Variants in PLXDC2 observed in about 807,000 individuals in gnomAD.
PLXDC2 encodes plexin domain containing 2.
PLXDC2 carries 40 observed loss-of-function variants against 68.9 expected under a neutral mutation model. The ratio of observed to expected loss-of-function variants is 0.58; its 90% CI spans 0.45 to 0.76. The LOEUF (loss-of-function observed/expected upper bound fraction) is 0.76. PLXDC2 is among the 30% of genes least tolerant of loss of function. The probability of loss-of-function intolerance (pLI) is 0.00; values close to 1 mark genes in which losing one functional copy is unlikely to be tolerated. For missense variants in PLXDC2, 644 were observed against 661.9 expected, an observed-to-expected ratio of 0.97 and a Z score of 0.30; for synonymous variants, 243 against 234.2, an observed-to-expected ratio of 1.04 and a Z score of -0.34.
Position 20,275,650 on chromosome 10 carries a change from C to T in PLXDC2, c.1474-4053C>T, listed in dbSNP as rs189551479. On this transcript the variant is annotated intron_variant, in intron 13 of 13. Transcript: ENST00000377252. The stretch of plus-strand genomic sequence containing the variant: ...AGGAAGGGTCGGGCGCTTTGGCTCA[C>T]GCCTGTAATCACAGCACTTTGGGAG... 6.1e-3 allele frequency among the ~76,000 whole-genome samples: 924 copies of T among 152,134 alleles called. 8 individuals carry two copies. The highest frequency in any genetic ancestry group is 0.011 in the Non-Finnish European group (741 of 67,988).
At chr10:20,251,132 C>G (rs1378109776) in intron 13 of PLXDC2, among the ~76,000 whole-genome samples, 1 of 152,130 alleles carries the variant, frequency 6.6e-6, no homozygotes, top group Admixed American at 6.5e-5. Context: ...TCTATTCAGT[C>G]AAGCAGAATA....
At chr10:20,276,526 A>T (rs1836008968) in intron 13 of PLXDC2, among the ~76,000 whole-genome samples, 1 of 152,194 alleles carries the variant, frequency 6.6e-6, no homozygotes, top group African/African-American at 2.4e-5. Flanking sequence ...ATTCTCAGAA[A>T]TGAAATTAGA....
At chr10:20,128,526 A>G (rs903497778) in intron 4 of PLXDC2, among the ~76,000 whole-genome samples, 5 of 152,130 alleles carry the variant, frequency 3.3e-5, no homozygotes, top group African/African-American at 1.2e-4. Context: ...CGTAAGATCT[A>G]TTCTTTTAGC....
intron 9 of PLXDC2, among the ~76,000 whole-genome samples, chr10:20,181,254 TTAAAG>T (rs1160002507): frequency 6.6e-6 from 1 of 152,060 alleles, no homozygotes; most frequent in Non-Finnish European, 1.5e-5. Flanking sequence ...TTCTTTGCAC[TTAAAG>T]TATTCATTCA....
intron 4 of PLXDC2, among the ~76,000 whole-genome samples, chr10:20,126,269 A>G (rs1833775678): frequency 6.8e-6 from 1 of 146,838 alleles, no homozygotes; most frequent in Non-Finnish European, 1.5e-5. Context: ...GTTATATAAT[A>G]CATATATACA....
At chr10:20,079,376 G>A (rs946412751) in intron 4 of PLXDC2, among the ~76,000 whole-genome samples, 1 of 152,218 alleles carries the variant, frequency 6.6e-6, no homozygotes, top group African/African-American at 2.4e-5. Context: ...CAAGGCTGTG[G>A]AGAAATAGGA....
At chr10:19,956,703 A>AT (rs1184274409) in intron 1 of PLXDC2, among the ~76,000 whole-genome samples, 2 of 152,366 alleles carry the variant, frequency 1.3e-5, no homozygotes, top group Non-Finnish European at 2.9e-5. Context: ...TCTGTCTCAC[A>AT]TATTTATGTG....
At chr10:20,268,293 A>G (rs559853664) in intron 13 of PLXDC2, among the ~76,000 whole-genome samples, 3 of 152,358 alleles carry the variant, frequency 2.0e-5, no homozygotes, top group Non-Finnish European at 2.9e-5. Context: ...ATTTAAAAAC[A>G]TACACCATTT....
intron 1 of PLXDC2, among the ~76,000 whole-genome samples, chr10:19,841,910 T>G (rs1431245294): frequency 6.6e-6 from 1 of 152,108 alleles, no homozygotes; most frequent in African/African-American, 2.4e-5. Flanking sequence ...ATTATGTACA[T>G]TATAACATAC....
At chr10:20,133,790 GC>G (rs1304644270) in intron 4 of PLXDC2, among the ~76,000 whole-genome samples, 2 of 152,042 alleles carry the variant, frequency 1.3e-5, no homozygotes, top group Non-Finnish European at 1.5e-5. Context: ...TGCATAATAA[GC>G]TTTTGCCTTT....
In PLXDC2 at chr10:20,279,759, C is replaced by T. The variant is rs774907857; in HGVS notation, c.1530C>T (p.Ala510=). Reference sequence around the variant, plus strand: ...TTAGAAGAGGCTCTGGACATCCTGCCTATGCTGAAGTTGAACCAGTTGGAG... The same window carrying T: ...TTAGAAGAGGCTCTGGACATCCTGCTTATGCTGAAGTTGAACCAGTTGGAG... ...MKFRRGSGHP[A]YAEVEPVGEK... is the part of the protein sequence containing the mutation. The change falls in exon 14 of 14, where the codon GCC becomes GCT. Residue 510 remains alanine (A), a synonymous_variant. Transcript: ENST00000377252. 1 of 1,613,986 alleles carries T rather than the reference C, an allele frequency of 6.2e-7. No homozygotes were observed. The highest frequency in any genetic ancestry group is 1.1e-5 in the South Asian group (1 of 91,076).
intron 1 of PLXDC2, among the ~76,000 whole-genome samples, chr10:19,923,530 G>T (rs574664371): frequency 3.3e-5 from 5 of 152,114 alleles, no homozygotes; most frequent in African/African-American, 9.7e-5. Flanking sequence ...CTTTTCATTT[G>T]ATATGGGCAG....
At chr10:19,996,959 C>T (rs951182922) in intron 1 of PLXDC2, among the ~76,000 whole-genome samples, 2 of 152,130 alleles carry the variant, frequency 1.3e-5, no homozygotes, top group African/African-American at 2.4e-5. Context: ...CTGTTTCCCT[C>T]CCACAACACA....
At chr10:20,062,411 A>G (rs1331777876) in intron 3 of PLXDC2, among the ~76,000 whole-genome samples, 1 of 152,176 alleles carries the variant, frequency 6.6e-6, no homozygotes, top group Non-Finnish European at 1.5e-5. Flanking sequence ...TGGCAGAGCG[A>G]GACTCCATCT....
intron 7 of PLXDC2, among the ~76,000 whole-genome samples, chr10:20,175,370 C>T (rs1277338764): frequency 2.0e-5 from 3 of 152,168 alleles, no homozygotes; most frequent in Admixed American, 6.6e-5. Context: ...TGAGCCCAGA[C>T]AGAATGTTCC....
intron 3 of PLXDC2, among the ~76,000 whole-genome samples, chr10:20,055,166 T>C (rs1835975041): frequency 6.6e-6 from 1 of 152,060 alleles, no homozygotes; most frequent in Non-Finnish European, 1.5e-5. Context: ...TATGTGTTGA[T>C]TGTTTAAAAT....
chr10:19,877,752 C>T (rs1837659498), intron 1 of PLXDC2, among the ~76,000 whole-genome samples: 1 of 152,234 alleles, frequency 6.6e-6, no homozygotes, highest in Non-Finnish European at 1.5e-5. Flanking sequence ...CTTGTAACTT[C>T]ATTGAGCCAC....
At chr10:20,203,534 C>T (rs1213697596) in intron 9 of PLXDC2, among the ~76,000 whole-genome samples, 1 of 151,944 alleles carries the variant, frequency 6.6e-6, no homozygotes, top group African/African-American at 2.4e-5. Flanking sequence ...TGGTCTTGAA[C>T]TCCTGGGCTC....
At chr10:19,867,759 C>T (rs1016000681) in intron 1 of PLXDC2, among the ~76,000 whole-genome samples, 9 of 152,048 alleles carry the variant, frequency 5.9e-5, no homozygotes, top group African/African-American at 1.4e-4. Flanking sequence ...TCACCAGTCT[C>T]GGGGTATTCT....
Sources: allele counts gnomAD v4.1 joint callset (sites outside exome capture counted in the v4.1 genomes callset), GRCh38; gene constraint gnomAD v4.1.1; transcripts MANE v1.5; gene names NCBI Gene and HGNC (gene_info 2026-07-23, HGNC 2026-07-21).